Variants in CNDP2 observed in about 807,000 individuals in gnomAD.
CNDP2 encodes the protein cytosolic non-specific dipeptidase.
Under a neutral mutation model 55.0 loss-of-function variants are expected in CNDP2, and 38 were observed. That is an observed-to-expected ratio of 0.69 (90% confidence interval 0.53 to 0.90). The LOEUF (loss-of-function observed/expected upper bound fraction) is 0.90. CNDP2 is among the 40% of genes least tolerant of loss of function. CNDP2 has a pLI of 0.00. For synonymous variants in CNDP2, 241 were observed against 260.2 expected (o/e 0.93, Z 0.71); for missense variants, 607 against 621.7 (o/e 0.98, Z 0.25).
At chr18:74,519,162 T>C (rs1312401115) in intron 11 of CNDP2, 66 bp downstream of exon 11, 39 of 1,504,288 alleles carry the variant, frequency 2.6e-5, no homozygotes, top group Non-Finnish European at 3.1e-5. Flanking sequence ...CCCTTCCCCT[T>C]CCCCCCGTGT....
At chr18:74,518,251 G>A (rs1467397841) in intron 9 of CNDP2, 2 of 327,348 alleles carry the variant, frequency 6.1e-6, no homozygotes, top group Non-Finnish European at 1.2e-5. Flanking sequence ...AACAGAGCGA[G>A]ACTCCATCTC....
At position 74,501,933 on chromosome 18, in the gene CNDP2, G is replaced by A. The variant is rs193033680; in HGVS notation, c.204+461G>A. 6.3e-3 allele frequency among the ~76,000 whole-genome samples: 960 copies of A among 151,642 alleles called. 9 individuals carry two copies. The highest frequency in any genetic ancestry group is 0.012 in the Non-Finnish European group (793 of 67,926). On this transcript the variant is annotated intron_variant, in intron 3 of 11. Coordinates refer to ENST00000324262, the MANE Select transcript of CNDP2 (RefSeq NM_018235.3). ...TTTTGAGACAGAGTCTCCCTCTGTC[G>A]CCCAGGCTGGAGTGCAGTGGCGTGA...
Position 74,510,916 on chromosome 18 carries a change from A to T in CNDP2, c.560A>T (p.Asp187Val). 1.2e-6 allele frequency: 2 copies of T among 1,614,196 alleles called. No individual in the cohort carries two copies. Among genetic ancestry groups the T allele is most frequent in the Admixed American group, 1.7e-5 (1 of 60,032 alleles). The change falls in exon 6 of 12, where the codon GAT becomes GTT. Residue 187 changes from aspartate to valine, a missense_variant. Physicochemically the swap from Asp to Val is radical, Grantham distance 152. Transcript: ENST00000324262. ...IFARKDTFFK[D>V]VDYVCISDNY... ...GCCCGGAAAGACACATTCTTTAAGG[A>T]TGTGGACTATGTCTGCATTTCTGAC... is the stretch of plus-strand genomic sequence containing the variant.
At chr18:74,501,159 T>C (rs1351426938) in intron 2 of CNDP2, 170 bp from the exon 3 acceptor site, 14 of 1,350,478 alleles carry the variant, frequency 1.0e-5, no homozygotes, top group Non-Finnish European at 1.3e-5. Context: ...CAAACAGTTT[T>C]TAAAATCTTT....
intron 9 of CNDP2, 95 bp from the exon 10 acceptor site, chr18:74,518,403 GC>G (rs1979834016): frequency 1.4e-6 from 2 of 1,434,146 alleles, no homozygotes; most frequent in Admixed American, 1.8e-5. Context: ...TTGTAAGCTC[GC>G]TGTAGACCCA....
At chr18:74,498,974 G>A (rs1176521309) in intron 1 of CNDP2, among the ~76,000 whole-genome samples, 2 of 152,204 alleles carry the variant, frequency 1.3e-5, no homozygotes, top group Admixed American at 1.3e-4. Context: ...GCTTGGTGTC[G>A]TGGTGGATAA....
intron 4 of CNDP2, 200 bp from the exon 5 acceptor site, chr18:74,508,640 C>T (rs1021329114): frequency 2.7e-5 from 15 of 550,410 alleles, no homozygotes; most frequent in East Asian, 2.0e-4. Context: ...GGAGCATCCA[C>T]GTGGCTTATC....
chr18:74,499,060 T>C (rs899688141), intron 1 of CNDP2, among the ~76,000 whole-genome samples: 2 of 152,204 alleles, frequency 1.3e-5, no homozygotes, highest in African/African-American at 4.8e-5. Flanking sequence ...AGCATGTCAA[T>C]GCACAGGCGT....
At chr18:74,518,898 C>T in intron 10 of CNDP2, 51 bp from the exon 11 acceptor site, 1 of 1,609,746 alleles carries the variant, frequency 6.2e-7, no homozygotes, top group Non-Finnish European at 8.5e-7. Context: ...GACAGATCCC[C>T]AGCCTTAGGG....
At chr18:74,498,710 G>A (rs1298827866) in intron 1 of CNDP2, among the ~76,000 whole-genome samples, 2 of 152,144 alleles carry the variant, frequency 1.3e-5, no homozygotes, top group East Asian at 3.8e-4. Context: ...ACTGATAAAC[G>A]CCTCTCCAGC....
chr18:74,520,374 G>A lies in CNDP2; in HGVS notation c.*306G>A, dbSNP rs1198557075. On this transcript the variant is annotated 3_prime_UTR_variant, in exon 12 of 12. Transcript: ENST00000324262. ...AGGTCTGCGGAAAGTTCTGGTTGTC[G>A]GCCGGGCACCACGGCTCACACCTAT... is the stretch of plus-strand genomic sequence containing the variant. 10 of 367,748 alleles carry A rather than the reference G, an allele frequency of 2.7e-5. No homozygotes were observed. The highest frequency in any genetic ancestry group is 2.1e-4 in the South Asian group (7 of 33,718). The allele number at this position is 367,748 out of a possible 1,614,324, so 22.8% of individuals were successfully genotyped here.
rs376148380 is a variant in CNDP2, at chr18:74,519,543, G to A, written c.1358+447G>A. ...CCAGGCAGGGGTCTTGGGTAGTTCC[G>A]GGGGAGGCCTCTGGCCCCTAAAATT... On this transcript the variant is annotated intron_variant, in intron 11 of 11. Coordinates refer to ENST00000324262, the MANE Select transcript of CNDP2 (RefSeq NM_018235.3). 4.6e-5 allele frequency among the ~76,000 whole-genome samples: 7 copies of A among 152,248 alleles called. 1 individual carries two copies. The South Asian group carries it at 1.5e-3, about 32-fold the overall frequency.
intron 2 of CNDP2, 198 bp from the exon 3 acceptor site, chr18:74,501,129 GTC>G: frequency 8.7e-7 from 1 of 1,155,506 alleles, no homozygotes; most frequent in Non-Finnish European, 1.1e-6. Context: ...ATATGAGAGG[GTC>G]TCTCTCTTCC....
rs912901459 is a variant in CNDP2 at position 74,520,479 on chromosome 18, ACT to A, written c.*414_*415del. The A allele has an allele frequency of 5.5e-6, 1 of 183,256 alleles. No individual in the cohort carries two copies. The highest frequency in any genetic ancestry group is 2.4e-5 in the African/African-American group (1 of 41,906). 11.4% of individuals were successfully genotyped at this position (183,256 alleles called of 1,614,324 possible). A position where few individuals can be genotyped will look rare whatever the true frequency, so the allele number is the denominator to read the frequency against. On this transcript the variant is annotated 3_prime_UTR_variant, in exon 12 of 12. Coordinates refer to ENST00000324262, the MANE Select transcript of CNDP2 (RefSeq NM_018235.3). Reference sequence around the variant, plus strand: ...AGACAAGCCTAGGCAACAAAACAAGACTCTGTCTCTACAAAAAGTTTAAGAAA... The same window carrying A: ...AGACAAGCCTAGGCAACAAAACAAGACTGTCTCTACAAAAAGTTTAAGAAA...
In CNDP2 at chr18:74,523,145, T is replaced by G. The variant is rs1373363425; in HGVS notation, c.*3077T>G. The G allele has an allele frequency of 6.6e-6, 1 of 152,198 alleles. No homozygotes were observed. Among genetic ancestry groups the G allele is most frequent in the Non-Finnish European group, 1.5e-5 (1 of 68,042 alleles). The allele number at this position is 152,198 out of a possible 1,614,324, so 9.4% of individuals were successfully genotyped here. ...TGCCTAAGTGGGGTGGCATGGACAT[T>G]TGCACACGTCCAGACTGCTTTATGT... On this transcript the variant is annotated 3_prime_UTR_variant, in exon 12 of 12. Transcript: ENST00000324262.
At chr18:74,519,772 A>T (rs1366522309) in intron 11 of CNDP2, among the ~76,000 whole-genome samples, 2 of 152,210 alleles carry the variant, frequency 1.3e-5, no homozygotes. Context: ...CTACCGGGGC[A>T]CTAGGGGACC....
chr18:74,504,456 T>G (rs1978899838), intron 3 of CNDP2, among the ~76,000 whole-genome samples: 1 of 152,260 alleles, frequency 6.6e-6, no homozygotes, highest in Non-Finnish European at 1.5e-5. Flanking sequence ...CTGGATCCCA[T>G]AAGAATCCCA....
chr18:74,520,137 C>T lies in CNDP2; in HGVS notation c.*69C>T, dbSNP rs771557509. 3.3e-6 allele frequency: 5 copies of T among 1,502,012 alleles called. No individual in the cohort carries two copies. Among genetic ancestry groups the T allele is most frequent in the Non-Finnish European group, 4.6e-6 (5 of 1,081,882 alleles). 93.0% of individuals were successfully genotyped at this position (1,502,012 alleles called of 1,614,324 possible). On this transcript the variant is annotated 3_prime_UTR_variant, in exon 12 of 12. Transcript: ENST00000324262. ...CCTCACCTCACCCTTTTCCAACTTGCCCAGGGAAGTGGAGGTTCCCTCTTT... is the reference window on the plus strand; with the variant it reads ...CCTCACCTCACCCTTTTCCAACTTGTCCAGGGAAGTGGAGGTTCCCTCTTT...
intron 8 of CNDP2, among the ~76,000 whole-genome samples, chr18:74,514,200 G>A (rs1356338630): frequency 9.3e-5 from 14 of 151,040 alleles, no homozygotes; most frequent in Non-Finnish European, 1.8e-4. Flanking sequence ...TAACTTCTGC[G>A]GGCTCTAGGT....
Sources: gnomAD v4.1 joint callset for allele counts (sites outside exome capture counted in the v4.1 genomes callset) on GRCh38, gnomAD v4.1.1 for gene constraint, MANE v1.5 for transcripts, NCBI Gene and HGNC (gene_info 2026-07-23, HGNC 2026-07-21) for gene names.